TDRD12: variants seen among roughly 807,000 people sequenced by gnomAD.
TDRD12 encodes putative ATP-dependent RNA helicase TDRD12.
TDRD12 carries 158 observed loss-of-function variants against 133.5 expected under a neutral mutation model. The observed-to-expected ratio is 1.18, with a 90% CI of 1.04 to 1.35. The LOEUF (loss-of-function observed/expected upper bound fraction) is 1.35. Among genes scored for constraint, TDRD12 ranks in the 40% most tolerant of loss-of-function variants. The pLI is 0.00. For synonymous variants in TDRD12, 460 were observed against 477.9 expected (o/e 0.96, Z 0.49); for missense variants, 1,443 against 1,321.3 (o/e 1.09, Z -1.43).
chr19:32,755,942 C>G, intron 6 of TDRD12, 50 bp from the exon 7 acceptor site: 1 of 1,277,798 alleles, frequency 7.8e-7, no homozygotes, highest in South Asian at 1.7e-5. Flanking sequence ...CCTTTAAAAT[C>G]GCTTGACTAT....
At chr19:32,821,393 T>TGTGC, downstream of TDRD12, 3 of 413,560 alleles carry the variant, frequency 7.3e-6, no homozygotes, top group South Asian at 7.6e-5. Flanking sequence ...TGTGTGTGTG[T>TGTGC]GTGTGTGTGT....
exon 17 of TDRD12, chr19:32,800,333 C>T: frequency 6.6e-7 from 1 of 1,524,364 alleles, no homozygotes; most frequent in Non-Finnish European, 8.7e-7. Context: ...ATGGAAGAGG[C>T]TGCTCTCTAT....
At chr19:32,827,360 T>TTCTTC in exon 10 of TDRD12, 1 of 454,274 alleles carries the variant, frequency 2.2e-6, no homozygotes, top group Non-Finnish European at 3.0e-6. Flanking sequence ...CCAAATCTTT[T>TTCTTC]TCTTTTCTTT....
chr19:32,768,303 T>G (rs1376100025), intron 8 of TDRD12, among the ~76,000 whole-genome samples: 1 of 152,202 alleles, frequency 6.6e-6, no homozygotes, highest in Non-Finnish European at 1.5e-5. Context: ...ATTTTAATTC[T>G]CTTTTAAAGA....
At chr19:32,742,413 G>A (rs910971051) in intron 3 of TDRD12, among the ~76,000 whole-genome samples, 2 of 152,010 alleles carry the variant, frequency 1.3e-5, no homozygotes, top group Admixed American at 1.3e-4. Flanking sequence ...TGCCTAACTC[G>A]GCCTTCCAAA....
At chr19:32,807,591 A>T (rs1971590024) in exon 22 of TDRD12, 1 of 1,535,328 alleles carries the variant, frequency 6.5e-7, no homozygotes, top group African/African-American at 1.4e-5. Context: ...TTAATCCAGA[A>T]ACGGACTTGC....
At chr19:32,761,809 G>T (rs558995809) in intron 8 of TDRD12, among the ~76,000 whole-genome samples, 3 of 151,648 alleles carry the variant, frequency 2.0e-5, no homozygotes, top group South Asian at 4.2e-4. Flanking sequence ...CCTGAGCCCC[G>T]CGAGTAGCTG....
At chr19:32,765,298 A>T (rs1358298971) in intron 8 of TDRD12, among the ~76,000 whole-genome samples, 1 of 152,230 alleles carries the variant, frequency 6.6e-6, no homozygotes, top group African/African-American at 2.4e-5. Flanking sequence ...GTGGGACTGT[A>T]AACTAGTTCA....
At chr19:32,806,012 G>T (rs938233382) in intron 21 of TDRD12, among the ~76,000 whole-genome samples, 3 of 151,782 alleles carry the variant, frequency 2.0e-5, no homozygotes, top group African/African-American at 7.3e-5. Context: ...GATTACAGGC[G>T]TGAGCCACCG....
intron 1 of TDRD12, among the ~76,000 whole-genome samples, chr19:32,727,873 G>A: frequency 6.6e-6 from 1 of 152,072 alleles, no homozygotes; most frequent in East Asian, 1.9e-4. Context: ...TCACCATGTT[G>A]GCCAGGCTTG....
chr19:32,734,082 A>G (rs1282210911), intron 2 of TDRD12, among the ~76,000 whole-genome samples: 2 of 151,754 alleles, frequency 1.3e-5, no homozygotes, highest in African/African-American at 4.8e-5. Flanking sequence ...TTTTTAGTAG[A>G]GATGGGATTT....
rs368771826 is a variant in TDRD12 at position 32,746,564 on chromosome 19, T to A, written c.441-1912T>A. The stretch of plus-strand genomic sequence containing the variant: ...GGAGAGAGACTGGCTGATGTGGTTA[T>A]TCTGTGTGTGTGAGAGAGAGAGAGT... On this transcript the variant is annotated intron_variant, in intron 4 of 27. Transcript: ENST00000444215. Among the ~76,000 whole-genome samples, 1,146 of 144,696 alleles carry A rather than the reference T, an allele frequency of 7.9e-3. 32 individuals carry two copies. The highest frequency in any genetic ancestry group is 0.028 in the African/African-American group (1,079 of 38,418). The allele number at this position is 144,696 out of a possible 152,430, so 94.9% of individuals were successfully genotyped here.
chr19:32,816,726 G>A (rs1967194234), intron 26 of TDRD12, among the ~76,000 whole-genome samples: 1 of 152,196 alleles, frequency 6.6e-6, no homozygotes, highest in African/African-American at 2.4e-5. Flanking sequence ...CCCATGGGGG[G>A]CATTAGAGAG....
At chr19:32,817,474 A>G (rs748765332) in intron 26 of TDRD12, among the ~76,000 whole-genome samples, 4 of 152,016 alleles carry the variant, frequency 2.6e-5, no homozygotes, top group Non-Finnish European at 5.9e-5. Flanking sequence ...CCTCCATGGC[A>G]TGGATCACCA....
At chr19:32,815,293 A>G (rs1157064655) in intron 25 of TDRD12, among the ~76,000 whole-genome samples, 155 bp from the exon 26 acceptor site, 1 of 152,262 alleles carries the variant, frequency 6.6e-6, no homozygotes, top group African/African-American at 2.4e-5. Flanking sequence ...AGCAATCCAG[A>G]TGCTGCCATG....
intron 27 of TDRD12, among the ~76,000 whole-genome samples, chr19:32,820,122 G>C (rs921878475): frequency 6.6e-6 from 1 of 152,110 alleles, no homozygotes; most frequent in Non-Finnish European, 1.5e-5. Context: ...GGGGAGGGGC[G>C]GTGGCTCAGG....
At chr19:32,796,458 G>A (rs998868007) in intron 14 of TDRD12, among the ~76,000 whole-genome samples, 3 of 151,958 alleles carry the variant, frequency 2.0e-5, no homozygotes, top group Non-Finnish European at 2.9e-5. Context: ...GGTGGCACAC[G>A]CCTGTAGTTC....
chr19:32,741,735 A>G (rs181299219), intron 3 of TDRD12, among the ~76,000 whole-genome samples: 1 of 152,222 alleles, frequency 6.6e-6, no homozygotes, highest in Non-Finnish European at 1.5e-5. Context: ...AAGCCAGTTC[A>G]TGTGGAAATA....
exon 18 of TDRD12, chr19:32,800,684 T>C: frequency 5.2e-6 from 8 of 1,535,718 alleles, no homozygotes; most frequent in Non-Finnish European, 7.0e-6. Flanking sequence ...ACTTCTTCTT[T>C]ACTCCAAGCT....
Sources: allele counts gnomAD v4.1 joint callset (sites outside exome capture counted in the v4.1 genomes callset), GRCh38; gene constraint gnomAD v4.1.1; transcripts MANE v1.5; gene names NCBI Gene and HGNC (gene_info 2026-07-23, HGNC 2026-07-21).